Variants in LEKR1 observed in about 807,000 individuals in gnomAD.
LEKR1 encodes protein LEKR1.
LEKR1 carries 59 observed loss-of-function variants against 72.4 expected under a neutral mutation model. The observed-to-expected ratio is 0.82, with a 90% CI of 0.66 to 1.01. The LOEUF is 1.01. LEKR1 is among the 50% of genes least tolerant of loss of function. The pLI is 0.00. For synonymous variants in LEKR1, 257 were observed against 263.2 expected (o/e 0.98, Z 0.23); for missense variants, 728 against 759.2 (o/e 0.96, Z 0.48).
chr3:156,945,948 C>T (rs919459522), intron 6 of LEKR1, among the ~76,000 whole-genome samples: 1 of 151,492 alleles, frequency 6.6e-6, no homozygotes, highest in African/African-American at 2.4e-5. Context: ...TTTGTGATTC[C>T]ATCTAAATTT....
intron 11 of LEKR1, among the ~76,000 whole-genome samples, chr3:157,026,502 C>T (rs1312765737): frequency 1.3e-5 from 2 of 152,198 alleles, no homozygotes; most frequent in Non-Finnish European, 2.9e-5. Context: ...CAGCTCTCCT[C>T]TGGGTGATGA....
chr3:157,038,021 G>A (rs899885406), intron 12 of LEKR1, among the ~76,000 whole-genome samples: 4 of 152,170 alleles, frequency 2.6e-5, no homozygotes, highest in Non-Finnish European at 5.9e-5. Context: ...GCTATGATAA[G>A]GTCTTTGGAT....
chr3:156,887,655 TCA>T (rs1720244732), intron 3 of LEKR1, among the ~76,000 whole-genome samples: 1 of 152,126 alleles, frequency 6.6e-6, no homozygotes, highest in African/African-American at 2.4e-5. Context: ...AAACAAGAAT[TCA>T]TATAGTAATA....
chr3:156,852,716 C>T, intron 2 of LEKR1, 52 bp from the exon 3 acceptor site: 6 of 886,442 alleles, frequency 6.8e-6, no homozygotes, highest in Non-Finnish European at 9.9e-6. Flanking sequence ...TTCAGTTGAA[C>T]TTGTTTTTTC....
chr3:156,999,446 C>T (rs948224446), intron 9 of LEKR1, among the ~76,000 whole-genome samples: 6 of 152,122 alleles, frequency 3.9e-5, no homozygotes, highest in Admixed American at 3.3e-4. Flanking sequence ...CTTTCTCAAG[C>T]TCTTTCACCT....
chr3:156,899,269 CACATGTATATATAT>C (rs1176459200), intron 3 of LEKR1, among the ~76,000 whole-genome samples: 3 of 146,072 alleles, frequency 2.1e-5, no homozygotes, highest in Admixed American at 1.4e-4. Context: ...TATATATACA[CACATGTATATATAT>C]ACATGTATAT....
intron 3 of LEKR1, among the ~76,000 whole-genome samples, chr3:156,918,729 A>G (rs973402917): frequency 1.3e-4 from 20 of 152,334 alleles, no homozygotes; most frequent in Middle Eastern, 3.4e-3. Context: ...CAGTGTAAAC[A>G]TGTTAGTAAT....
At chr3:156,901,052 T>G (rs1721983533) in intron 3 of LEKR1, among the ~76,000 whole-genome samples, 1 of 152,188 alleles carries the variant, frequency 6.6e-6, no homozygotes, top group Non-Finnish European at 1.5e-5. Context: ...CTTAAACTCC[T>G]GACCTAAAGT....
chr3:156,938,837 T>C (rs1725950511), intron 5 of LEKR1, among the ~76,000 whole-genome samples: 1 of 152,182 alleles, frequency 6.6e-6, no homozygotes, highest in African/African-American at 2.4e-5. Context: ...TTATAGAGGT[T>C]TCCTAATGAT....
intron 3 of LEKR1, among the ~76,000 whole-genome samples, chr3:156,866,106 A>G (rs1355249437): frequency 6.6e-6 from 1 of 152,066 alleles, no homozygotes; most frequent in Non-Finnish European, 1.5e-5. Context: ...CTCTCAAAAT[A>G]TTTGTTGAAT....
intron 6 of LEKR1, among the ~76,000 whole-genome samples, chr3:156,970,752 G>C (rs796603478): frequency 5.9e-5 from 9 of 151,318 alleles, no homozygotes; most frequent in Non-Finnish European, 1.2e-4. Context: ...GCTTCAAAGA[G>C]AATAAAATAC....
intron 10 of LEKR1, among the ~76,000 whole-genome samples, chr3:157,024,124 T>A (rs1275718361): frequency 6.6e-6 from 1 of 152,104 alleles, no homozygotes; most frequent in Non-Finnish European, 1.5e-5. Flanking sequence ...CAGGAAAAGA[T>A]CAGAATTCAA....
chr3:157,021,471 G>A (rs1281207732), intron 10 of LEKR1, among the ~76,000 whole-genome samples: 3 of 152,126 alleles, frequency 2.0e-5, no homozygotes, highest in Non-Finnish European at 4.4e-5. Context: ...GTGTAAGGAA[G>A]GGATCCAGTT....
chr3:157,004,147 A>T (rs1039334924), intron 9 of LEKR1, among the ~76,000 whole-genome samples: 3 of 152,184 alleles, frequency 2.0e-5, no homozygotes, highest in Admixed American at 6.5e-5. Flanking sequence ...ATGGGAAAAG[A>T]CATAACACAC....
chr3:156,933,162 G>A (rs1403831348), intron 5 of LEKR1, among the ~76,000 whole-genome samples: 2 of 152,148 alleles, frequency 1.3e-5, no homozygotes, highest in East Asian at 3.8e-4. Flanking sequence ...CTGTGCCAGA[G>A]GAATCTTGCT....
intron 7 of LEKR1, among the ~76,000 whole-genome samples, chr3:156,986,191 G>A (rs1468027007): frequency 1.3e-5 from 2 of 152,148 alleles, no homozygotes; most frequent in East Asian, 1.9e-4. Flanking sequence ...CTAAGCTTGT[G>A]GTCATTTGTT....
chr3:157,006,030 G>A (rs895115496), intron 9 of LEKR1, among the ~76,000 whole-genome samples: 2 of 145,614 alleles, frequency 1.4e-5, no homozygotes, highest in Non-Finnish European at 3.0e-5. Context: ...ACGGAGTCTC[G>A]CTCTGTCGCC....
intron 10 of LEKR1, among the ~76,000 whole-genome samples, chr3:157,019,371 A>G (rs1733628472): frequency 6.6e-6 from 1 of 152,198 alleles, no homozygotes; most frequent in Admixed American, 6.5e-5. Context: ...CTAATTATGC[A>G]TTTCAACAAC....
chr3:156,901,897 C>T (rs1237286125), intron 3 of LEKR1, among the ~76,000 whole-genome samples: 1 of 152,010 alleles, frequency 6.6e-6, no homozygotes, highest in Non-Finnish European at 1.5e-5. Context: ...TGTTGGCCAG[C>T]CTGGTCTTGA....
Sources: allele counts gnomAD v4.1 joint callset (sites outside exome capture counted in the v4.1 genomes callset), GRCh38; gene constraint gnomAD v4.1.1; transcripts MANE v1.5; gene names NCBI Gene and HGNC (gene_info 2026-07-23, HGNC 2026-07-21).